The following OTOA variants were observed in gnomAD, a reference collection of about 807,000 sequenced individuals.
The protein encoded by OTOA is otoancorin, also known as cancer/testis antigen 108.
Under a neutral mutation model 110.8 loss-of-function variants are expected in OTOA, and 70 were observed. That is an observed-to-expected ratio of 0.63 (90% CI 0.52 to 0.77). The LOEUF (loss-of-function observed/expected upper bound fraction) is 0.77. Among genes scored for constraint, OTOA ranks in the 30% least tolerant of loss-of-function variants. OTOA has a pLI of 0.00. For missense variants in OTOA, 917 were observed against 1,075.8 expected (o/e 0.85, Z 2.06); for synonymous variants, 373 against 431.5 (o/e 0.86, Z 1.68).
intron 20 of OTOA, among the ~76,000 whole-genome samples, chr16:21,729,048 T>C (rs988596551): frequency 1.3e-5 from 2 of 151,778 alleles, no homozygotes; most frequent in African/African-American, 4.8e-5. Flanking sequence ...GACTATTTTT[T>C]TTTTAAATGG....
At chr16:21,706,296 G>A (rs1472759004) in intron 12 of OTOA, among the ~76,000 whole-genome samples, 1 of 152,144 alleles carries the variant, frequency 6.6e-6, no homozygotes. Context: ...AGCTGACGCT[G>A]CACTTCCAAC....
chr16:21,709,785 G>A (rs1898298312), intron 12 of OTOA, 103 bp from the exon 13 acceptor site: 3 of 1,015,782 alleles, frequency 3.0e-6, no homozygotes, highest in South Asian at 1.3e-5. Flanking sequence ...GATGGAACAG[G>A]GTCAAGGGAG....
At position 21,707,317 on chromosome 16, in the gene OTOA, C is replaced by A. The variant is rs75918612; in HGVS notation, c.1104+2025C>A. 7.4e-3 allele frequency among the ~76,000 whole-genome samples: 1,128 copies of A among 151,982 alleles called. 28 individuals carry two copies. Among genetic ancestry groups the A allele is most frequent in the East Asian group, 0.046 (235 of 5,132 alleles). On this transcript the variant is annotated intron_variant, in intron 12 of 28. Transcript: ENST00000646100. Reference sequence around the variant, plus strand: ...TGGCATGCAATTAGATACGAGGGAGCCCTTTGGGATCATCTAGCTCAGTTG... The same window carrying A: ...TGGCATGCAATTAGATACGAGGGAGACCTTTGGGATCATCTAGCTCAGTTG...
At chr16:21,737,972 G>T (rs529563550) in intron 22 of OTOA, among the ~76,000 whole-genome samples, 2 of 152,302 alleles carry the variant, frequency 1.3e-5, no homozygotes, top group South Asian at 2.1e-4. Flanking sequence ...CACCAATTTT[G>T]TAAATAAAGA....
intron 6 of OTOA, among the ~76,000 whole-genome samples, chr16:21,683,701 G>A (rs928447747): frequency 2.0e-5 from 3 of 151,362 alleles, no homozygotes; most frequent in South Asian, 2.1e-4. Context: ...GCAAGACCCC[G>A]TCTCTAAAAC....
intron 8 of OTOA, among the ~76,000 whole-genome samples, chr16:21,688,672 G>A (rs924171518): frequency 2.0e-5 from 3 of 152,092 alleles, no homozygotes; most frequent in Non-Finnish European, 4.4e-5. Context: ...CCTTCTCGCT[G>A]TGTCCCCTTG....
At chr16:21,676,474 A>G (rs749245028) in intron 1 of OTOA, among the ~76,000 whole-genome samples, 1 of 152,108 alleles carries the variant, frequency 6.6e-6, no homozygotes, top group Non-Finnish European at 1.5e-5. Flanking sequence ...TTGGCCTATC[A>G]TGGAGGCAAT....
chr16:21,721,226 A>G, intron 17 of OTOA: 1 of 419,772 alleles, frequency 2.4e-6, no homozygotes. Context: ...GAAAACACAT[A>G]ATTATTACAC....
chr16:21,712,779 T>C (rs574452354), intron 13 of OTOA, among the ~76,000 whole-genome samples: 111 of 149,774 alleles, frequency 7.4e-4, no homozygotes, highest in Middle Eastern at 3.6e-3. Context: ...TGGGAGGCGG[T>C]GCTTGCAGTG....
intron 11 of OTOA, among the ~76,000 whole-genome samples, chr16:21,701,558 G>A (rs1303413093): frequency 6.6e-6 from 1 of 152,142 alleles, no homozygotes; most frequent in African/African-American, 2.4e-5. Flanking sequence ...GGGGTGTCAG[G>A]AAGGGAGTGG....
intron 12 of OTOA, among the ~76,000 whole-genome samples, chr16:21,707,870 C>T (rs1373338124): frequency 6.7e-6 from 1 of 148,252 alleles, no homozygotes. Flanking sequence ...TCTTGGCTCA[C>T]TGCAACCTCT....
At chr16:21,719,049 TG>T in intron 15 of OTOA, 83 bp from the exon 16 acceptor site, 1 of 1,334,488 alleles carries the variant, frequency 7.5e-7, no homozygotes, top group Non-Finnish European at 1.1e-6. Flanking sequence ...AATGGGATTG[TG>T]GAATGCCTTC....
chr16:21,751,914 T>C (rs565924828), intron 24 of OTOA, 21 bp from the exon 25 acceptor site: 3,914 of 272,014 alleles, frequency 0.014, 376 homozygotes, highest in Middle Eastern at 0.025. Flanking sequence ...TGGTTTATCT[T>C]TTATTCTTAC....
At chr16:21,688,380 C>T (rs1281134787) in intron 8 of OTOA, among the ~76,000 whole-genome samples, 1 of 151,814 alleles carries the variant, frequency 6.6e-6, no homozygotes, top group Non-Finnish European at 1.5e-5. Context: ...CAGAGTGAGA[C>T]TCCATCTCAA....
chr16:21,718,242 A>G lies in OTOA; in HGVS notation c.1630-891A>G, dbSNP rs184694814. ...CAAAGTCCTGGGATTACAGGCGTGA[A>G]CCAGGGCACCCAGCCAATAGTTTTA... On this transcript the variant is annotated intron_variant, in intron 15 of 28. Transcript: ENST00000646100. 2.4e-3 allele frequency among the ~76,000 whole-genome samples: 359 copies of G among 152,180 alleles called. 3 individuals are homozygous for G. Among genetic ancestry groups the G allele is most frequent in the Non-Finnish European group, 5.6e-4 (38 of 67,996 alleles).
chr16:21,708,495 G>A (rs111368822), intron 12 of OTOA, among the ~76,000 whole-genome samples: 118 of 152,270 alleles, frequency 7.7e-4, no homozygotes, highest in Non-Finnish European at 1.4e-3. Flanking sequence ...CTCTGATTCA[G>A]GAGGTCCGGG....
intron 6 of OTOA, 59 bp downstream of exon 6, chr16:21,681,884 A>G (rs1323524690): frequency 6.6e-7 from 1 of 1,507,272 alleles, no homozygotes; most frequent in Non-Finnish European, 9.2e-7. Context: ...TTGCAAACTC[A>G]GGGGCCAGGT....
chr16:21,710,256 G>A (rs1027778610), intron 13 of OTOA, among the ~76,000 whole-genome samples, 153 bp downstream of exon 13: 3 of 152,082 alleles, frequency 2.0e-5, no homozygotes, highest in South Asian at 2.1e-4. Flanking sequence ...GTCCAACATC[G>A]AGGTGTCAGA....
chr16:21,671,573 T>A (rs546144405), intron 1 of OTOA, among the ~76,000 whole-genome samples: 1 of 93,984 alleles, frequency 1.1e-5, no homozygotes, highest in East Asian at 2.8e-4. Flanking sequence ...GGCAAGAGAG[T>A]AAGACTCCAT....
Sources: gnomAD v4.1 joint callset for allele counts (sites outside exome capture counted in the v4.1 genomes callset) on GRCh38, gnomAD v4.1.1 for gene constraint, MANE v1.5 for transcripts, NCBI Gene and HGNC (gene_info 2026-07-23, HGNC 2026-07-21) for gene names.